Variants in ASPH observed in about 807,000 individuals in gnomAD.
ASPH encodes aspartyl/asparaginyl beta-hydroxylase.
A neutral mutation model predicts 118.4 loss-of-function variants in ASPH; 100 were observed. The observed-to-expected ratio is 0.84, with a 90% confidence interval of 0.72 to 1.00. The LOEUF (loss-of-function observed/expected upper bound fraction) is 1.00, where lower values mean the gene tolerates loss of function less well. ASPH is among the 50% of genes least tolerant of loss of function. The pLI, the probability that ASPH is intolerant of heterozygous loss-of-function variation, is 0.00. For synonymous variants in ASPH, 315 were observed against 325.6 expected (o/e 0.97, Z 0.35); for missense variants, 920 against 919.5 (o/e 1.00, Z -0.01).
At chr8:61,628,464 C>A (rs1854006264) in intron 13 of ASPH, 2 of 235,652 alleles carry the variant, frequency 8.5e-6, no homozygotes, top group Non-Finnish European at 1.7e-5. Flanking sequence ...CCACTGTGCC[C>A]AGCAGATCAA....
In ASPH at chr8:61,600,305, T is replaced by A. The variant is rs1425837599; in HGVS notation, c.977-16276A>T. Among the ~76,000 whole-genome samples the A allele has an allele frequency of 2.4e-3, 354 of 147,386 alleles. 1 individual carries two copies. The highest frequency in any genetic ancestry group is 8.9e-3 in the African/African-American group (330 of 36,994). ...GTGGAGAAAAGCAGAAAGCCTTTCC[T>A]CTAAGAACTGAAATAAGAAAAAGGT... On this transcript the variant is annotated intron_variant, in intron 14 of 24. Coordinates refer to ENST00000379454, the MANE Select transcript of ASPH (RefSeq NM_004318.4).
At position 61,713,000 on chromosome 8, in the gene ASPH, G is replaced by A. The variant is rs113571374; in HGVS notation, c.103+1269C>T. On this transcript the variant is annotated intron_variant, in intron 1 of 24. Transcript: ENST00000379454. ...AAAAAGAGTAGCCTCAGTCGGCTGA[G>A]GCAATTAATCTATCCCTCTGCAGGT... Among the ~76,000 whole-genome samples the A allele has an allele frequency of 2.6e-3, 393 of 152,300 alleles. 4 individuals carry two copies. The highest frequency in any genetic ancestry group is 8.5e-3 in the African/African-American group (352 of 41,558).
intron 1 of ASPH, among the ~76,000 whole-genome samples, chr8:61,697,267 G>C (rs558642301): frequency 6.6e-6 from 1 of 152,272 alleles, no homozygotes; most frequent in African/African-American, 2.4e-5. Context: ...AGGATATTGG[G>C]AAAACTCTAT....
At chr8:61,525,863 C>G in intron 22 of ASPH, 114 bp downstream of exon 22, 4 of 1,450,004 alleles carry the variant, frequency 2.8e-6, no homozygotes, top group Non-Finnish European at 3.7e-6. Flanking sequence ...TTTTGGGCCC[C>G]TCGTTTAAGC....
chr8:61,642,843 C>T, intron 10 of ASPH, 45 bp downstream of exon 10: 1 of 1,321,896 alleles, frequency 7.6e-7, no homozygotes, highest in South Asian at 1.5e-5. Flanking sequence ...GAAACTCCAT[C>T]TCAAAAAAAA....
intron 4 of ASPH, 49 bp downstream of exon 4, chr8:61,653,519 T>A (rs761377386): frequency 3.8e-6 from 6 of 1,572,114 alleles, no homozygotes; most frequent in Non-Finnish European, 4.3e-6. Flanking sequence ...CGGATACCTG[T>A]CAGGCTCTGG....
rs934551005 is a variant in ASPH at position 61,662,999 on chromosome 8, T to G, written c.323-9339A>C. The G allele has an allele frequency of 6.1e-6, 6 of 985,332 alleles. No homozygotes were observed. The African/African-American group carries it at 1.0e-4, about 17-fold the overall frequency. The allele number at this position is 985,332 out of a possible 1,614,324, so 61.0% of individuals were successfully genotyped here. ...ACCAGAATGCTCTCAACAAATTCACTTATAATTGTTTGCCCTTCTTCAAGA... is the reference window on the plus strand; with the variant it reads ...ACCAGAATGCTCTCAACAAATTCACGTATAATTGTTTGCCCTTCTTCAAGA... On this transcript the variant is annotated intron_variant, in intron 3 of 24. Transcript: ENST00000379454.
At chr8:61,686,026 C>T (rs1188460105) in intron 1 of ASPH, among the ~76,000 whole-genome samples, 1 of 152,144 alleles carries the variant, frequency 6.6e-6, no homozygotes, top group Non-Finnish European at 1.5e-5. Context: ...ACCTCAGCCT[C>T]TCAAAGTGCT....
intron 24 of ASPH, among the ~76,000 whole-genome samples, chr8:61,504,288 T>TTAACTGCCAATATATTAAA (rs1158499721): frequency 2.0e-5 from 3 of 152,184 alleles, no homozygotes; most frequent in Non-Finnish European, 2.9e-5. Context: ...AAAATAGATA[T>TTAACTGCCAATATATTAAA]TAACTGCCAA....
At chr8:61,507,613 A>C (rs1807119287) in intron 24 of ASPH, among the ~76,000 whole-genome samples, 1 of 151,838 alleles carries the variant, frequency 6.6e-6, no homozygotes, top group Non-Finnish European at 1.5e-5. Context: ...GTCCAGACTT[A>C]AGTGACTCCA....
rs192575354 is a variant in ASPH, at chr8:61,539,841, T to C, written c.1764+8230A>G. On this transcript the variant is annotated intron_variant, in intron 21 of 24. Transcript: ENST00000379454. The stretch of plus-strand genomic sequence containing the variant: ...TTTTCAATGTTACTATAGTGTTTTC[T>C]ATGAATGTGTGTTTACATCTAAATT... Among the ~76,000 whole-genome samples, 393 of 152,264 alleles carry C rather than the reference T, an allele frequency of 2.6e-3. 1 individual carries two copies. Among genetic ancestry groups the C allele is most frequent in the African/African-American group, 8.9e-3 (370 of 41,562 alleles).
At chr8:61,578,153 C>T in intron 15 of ASPH, 1 of 1,475,068 alleles carries the variant, frequency 6.8e-7, no homozygotes, top group Non-Finnish European at 9.0e-7. Flanking sequence ...GACCAAGAAG[C>T]AGCTTCTCCG....
intron 3 of ASPH, among the ~76,000 whole-genome samples, chr8:61,680,336 C>T (rs894514003): frequency 6.6e-6 from 1 of 151,872 alleles, no homozygotes; most frequent in South Asian, 2.1e-4. Context: ...ACCATTCTTT[C>T]CAGCAAGACA....
At chr8:61,578,921 G>T (rs1321165194) in intron 15 of ASPH, 55 of 1,611,140 alleles carry the variant, frequency 3.4e-5, no homozygotes, top group Non-Finnish European at 4.5e-5. Flanking sequence ...AGATCCGGGA[G>T]CTGCAGTCCC....
chr8:61,704,190 G>A lies in ASPH; in HGVS notation c.103+10079C>T, dbSNP rs1405265591. Among the ~76,000 whole-genome samples, 9 of 76,910 alleles carry A rather than the reference G, an allele frequency of 1.2e-4. No individual in the cohort carries two copies. The Admixed American group carries it at 1.8e-3, about 15-fold the overall frequency. 50.5% of individuals were successfully genotyped at this position (76,910 alleles called of 152,430 possible). A position where few individuals can be genotyped will look rare whatever the true frequency, so the allele number is the denominator to read the frequency against. ...AGCCTGGGCGACAGAGCGAGACTCC[G>A]TCTCAAAAAAAAAAAAAAAAAAAAA... On this transcript the variant is annotated intron_variant, in intron 1 of 24. Coordinates refer to ENST00000379454, the MANE Select transcript of ASPH (RefSeq NM_004318.4).
intron 3 of ASPH, chr8:61,658,684 A>G (rs1815085531): frequency 6.6e-6 from 1 of 152,030 alleles, no homozygotes; most frequent in African/African-American, 2.4e-5. Flanking sequence ...AATTTCTTCT[A>G]AAAAAAATCT....
At chr8:61,534,581 A>T (rs1295221835) in intron 21 of ASPH, among the ~76,000 whole-genome samples, 1 of 152,138 alleles carries the variant, frequency 6.6e-6, no homozygotes, top group East Asian at 1.9e-4. Flanking sequence ...TGGCCTATAC[A>T]CTTTCCTTGC....
chr8:61,653,607 G>C lies in ASPH; in HGVS notation c.376C>G (p.Pro126Ala). 6.2e-7 allele frequency: 1 copy of C among 1,613,892 alleles called. No individual in the cohort carries two copies. Among genetic ancestry groups the C allele is most frequent in the Middle Eastern group, 1.7e-4 (1 of 5,994 alleles). ...EPAVPPEEAE[P>A]HTEPEEQVPV... ...ACCTGCTCCTCGGGCTCAGTGTGTGGCTCAGCCTCTTCTGGCGGGACTGCT... is the reference window on the plus strand; with the variant it reads ...ACCTGCTCCTCGGGCTCAGTGTGTGCCTCAGCCTCTTCTGGCGGGACTGCT... Residue 126 changes from proline (P) to alanine (A), a missense_variant, in exon 4 of 25, where the codon CCA becomes GCA. Physicochemically the swap from Pro to Ala is conservative, Grantham distance 27 (BLOSUM62 -1). Transcript: ENST00000379454.
chr8:61,640,184 A>T (rs1367941839), intron 10 of ASPH, among the ~76,000 whole-genome samples: 10 of 152,078 alleles, frequency 6.6e-5, no homozygotes, highest in Non-Finnish European at 1.5e-4. Context: ...CTTGAAACTC[A>T]TCTCCTTTGG....
Sources: allele counts gnomAD v4.1 joint callset (sites outside exome capture counted in the v4.1 genomes callset), GRCh38; gene constraint gnomAD v4.1.1; transcripts MANE v1.5; gene names NCBI Gene and HGNC (gene_info 2026-07-23, HGNC 2026-07-21).